Variants in BCL9 observed in about 807,000 individuals in gnomAD.
BCL9 encodes BCL9 transcription coactivator.
A neutral mutation model predicts 88.5 loss-of-function variants in BCL9; 25 were observed. That is an observed-to-expected ratio of 0.28 (90% CI 0.21 to 0.39). The LOEUF (loss-of-function observed/expected upper bound fraction) is 0.39. Ranked by LOEUF, BCL9 falls within the 10% of genes least tolerant of loss-of-function variation. The pLI, the probability that BCL9 is intolerant of heterozygous loss-of-function variation, is 1.00. For synonymous variants in BCL9, 711 were observed against 673.3 expected, an observed-to-expected ratio of 1.06 and a Z score of -0.87; for missense variants, 1,817 against 1,877.8, an observed-to-expected ratio of 0.97 and a Z score of 0.60.
At chr1:147,569,318 G>C (rs1327174550) in intron 1 of BCL9, among the ~76,000 whole-genome samples, 1 of 150,440 alleles carries the variant, frequency 6.6e-6, no homozygotes, top group Non-Finnish European at 1.5e-5. Flanking sequence ...AAGAGGAAGG[G>C]TCTGTCTCAT....
intron 4 of BCL9, among the ~76,000 whole-genome samples, chr1:147,612,131 C>T (rs960255580): frequency 1.8e-4 from 28 of 152,154 alleles, no homozygotes; most frequent in African/African-American, 6.3e-4. Flanking sequence ...CTCCCCGCAC[C>T]TCCCTGCCAA....
intron 1 of BCL9, among the ~76,000 whole-genome samples, chr1:147,545,754 A>C (rs12072533): frequency 0.095 from 14,521 of 152,196 alleles, 1,680 homozygotes; most frequent in African/African-American, 0.28. Flanking sequence ...TAAGATGTAC[A>C]ATGGAAATTT....
intron 1 of BCL9, among the ~76,000 whole-genome samples, chr1:147,569,158 T>A (rs2353542): frequency 0.47 from 70,287 of 150,958 alleles, 19,737 homozygotes; most frequent in African/African-American, 0.81. Flanking sequence ...TGGACAAAGG[T>A]GTCAAGTAGA....
At position 147,619,213 on chromosome 1, in the gene BCL9, A is replaced by G; in HGVS notation, c.1058A>G (p.Gln353Arg). Reference protein sequence around the residue: ...TLGENPDGLSQEQLEHRERSL... With the variant: ...TLGENPDGLSREQLEHRERSL... The stretch of plus-strand genomic sequence containing the variant: ...GGAGAGAATCCCGATGGCCTATCTC[A>G]GGAGCAGCTGGAGCACCGGGAGCGC... Residue 353 changes from glutamine (Q) to arginine (R), a missense_variant, in exon 8 of 10, where the codon CAG (glutamine) becomes CGG (arginine). Gln to Arg is a conservative substitution (Grantham distance 43). Coordinates refer to ENST00000234739, the MANE Select transcript of BCL9 (RefSeq NM_004326.4). The surrounding 1 kb of genome is among the most constrained non-coding windows in gnomAD (Gnocchi z 4.1). The G allele has an allele frequency of 6.2e-7, 1 of 1,614,144 alleles. No homozygotes were observed. Among genetic ancestry groups the G allele is most frequent in the Non-Finnish European group, 8.5e-7 (1 of 1,180,016 alleles).
In BCL9 at chr1:147,560,088, G is replaced by A. The variant is rs1355089217; in HGVS notation, c.-478+18414G>A. Among the ~76,000 whole-genome samples the A allele has an allele frequency of 3.3e-5, 5 of 152,194 alleles. No homozygotes were observed. In the South Asian group the frequency reaches 8.3e-4, roughly 25 times the overall value. On this transcript the variant is annotated intron_variant, in intron 1 of 9. Transcript: ENST00000234739. Reference sequence around the variant, plus strand: ...TAAAAGAACAGAACAGAAAAAGAATGTAAATGATGCAGGGAAACACTTGTG... The same window carrying A: ...TAAAAGAACAGAACAGAAAAAGAATATAAATGATGCAGGGAAACACTTGTG...
intron 1 of BCL9, among the ~76,000 whole-genome samples, chr1:147,584,779 C>T (rs1553198979): frequency 6.6e-6 from 1 of 152,208 alleles, no homozygotes; most frequent in African/African-American, 2.4e-5. Flanking sequence ...AGAAGTTTAG[C>T]TCCTAAAGTA....
chr1:147,560,995 G>A (rs992920898), intron 1 of BCL9, among the ~76,000 whole-genome samples: 2 of 152,162 alleles, frequency 1.3e-5, no homozygotes, highest in African/African-American at 4.8e-5. Flanking sequence ...CCAAGCAAAT[G>A]TTACGCCCAT....
intron 1 of BCL9, among the ~76,000 whole-genome samples, chr1:147,591,324 G>T (rs1264381621): frequency 6.6e-6 from 1 of 151,942 alleles, no homozygotes; most frequent in African/African-American, 2.4e-5. Context: ...ATTCCCCACT[G>T]ATCCCAACAC....
intron 1 of BCL9, among the ~76,000 whole-genome samples, chr1:147,545,186 A>G (rs781840859): frequency 1.3e-5 from 2 of 152,204 alleles, no homozygotes; most frequent in Non-Finnish European, 2.9e-5. Flanking sequence ...TTACACAGGG[A>G]TGTGCCCAGC....
rs1192403650 is a variant in BCL9 at position 147,611,801 on chromosome 1, G to C, written c.-36G>C. 1 of 1,607,418 alleles carries C rather than the reference G, an allele frequency of 6.2e-7. No individual in the cohort carries two copies. Among genetic ancestry groups the C allele is most frequent in the East Asian group, 2.2e-5 (1 of 44,846 alleles). The stretch of plus-strand genomic sequence containing the variant: ...AACCCGAGAGGAACTCGGTGAGCCT[G>C]TCCCGTTTGTGACTGCAAGCTCAGG... On this transcript the variant is annotated 5_prime_UTR_variant, in exon 4 of 10. Transcript: ENST00000234739.
At chr1:147,623,730 C>T in intron 9 of BCL9, 112 bp from the exon 10 acceptor site, 1 of 1,243,872 alleles carries the variant, frequency 8.0e-7, no homozygotes. Context: ...TATGTTTTCC[C>T]AGCATTATAC....
chr1:147,568,015 G>A (rs1000365030), intron 1 of BCL9, among the ~76,000 whole-genome samples: 5 of 152,180 alleles, frequency 3.3e-5, no homozygotes, highest in South Asian at 2.1e-4. Context: ...TCATACAGCT[G>A]CATCTCTCTG....
At position 147,621,033 on chromosome 1, in the gene BCL9, G is replaced by C. The variant is rs1553205306; in HGVS notation, c.2878G>C (p.Ala960Pro). 4 of 1,613,648 alleles carry C rather than the reference G, an allele frequency of 2.5e-6. No homozygotes were observed. Among genetic ancestry groups the C allele is most frequent in the Non-Finnish European group, 3.4e-6 (4 of 1,179,874 alleles). Residue 960 changes from alanine (A) to proline (P), a missense_variant, in exon 8 of 10, where the codon GCC (alanine) becomes CCC (proline). Physicochemically the swap from Ala to Pro is conservative, Grantham distance 27. Transcript: ENST00000234739. ...HKAPLTMASP[A>P]MLGNVESGGP... ...AGCACCCCTCACCATGGCCTCCCCA[G>C]CCATGCTGGGAAATGTAGAGTCAGG...
intron 1 of BCL9, among the ~76,000 whole-genome samples, chr1:147,550,541 A>C (rs782301350): frequency 2.0e-4 from 31 of 152,204 alleles, no homozygotes; most frequent in Non-Finnish European, 4.3e-4. Context: ...TCAAAAAGCA[A>C]GAATAGGTGA....
At chr1:147,551,523 T>G (rs1654904976) in intron 1 of BCL9, among the ~76,000 whole-genome samples, 1 of 152,230 alleles carries the variant, frequency 6.6e-6, no homozygotes, top group South Asian at 2.1e-4. Context: ...ATAACTTATG[T>G]TCAAATTTAA....
At chr1:147,589,515 T>C (rs1221404185) in intron 1 of BCL9, among the ~76,000 whole-genome samples, 1 of 152,218 alleles carries the variant, frequency 6.6e-6, no homozygotes, top group Non-Finnish European at 1.5e-5. Context: ...CCCCAACTAA[T>C]CTGCTTTCTG....
chr1:147,624,959 A>G lies in BCL9; in HGVS notation c.4281A>G (p.Ter1427=). 2.5e-6 allele frequency: 4 copies of G among 1,605,782 alleles called. No individual in the cohort carries two copies. Among genetic ancestry groups the G allele is most frequent in the Non-Finnish European group, 3.4e-6 (4 of 1,173,384 alleles). Residue 1427 remains the stop codon, a stop_retained_variant, in exon 10 of 10, where the codon TAA becomes TAG. Coordinates refer to ENST00000234739, the MANE Select transcript of BCL9 (RefSeq NM_004326.4). The surrounding 1 kb of genome is among the most constrained non-coding windows in gnomAD (Gnocchi z 4.4). ...GPGNPGNMMF[*] ...GCAACCCAGGAAACATGATGTTTTA[A>G]GCTGCTAAGATGGGATGTGCCGATC...
intron 1 of BCL9, among the ~76,000 whole-genome samples, chr1:147,599,175 C>G (rs1045300959): frequency 1.3e-5 from 2 of 152,196 alleles, no homozygotes; most frequent in African/African-American, 4.8e-5. Context: ...ACCCCTGCAC[C>G]CCCGGCGCAT....
chr1:147,623,156 A>C (rs1006085511), intron 9 of BCL9, among the ~76,000 whole-genome samples: 3 of 152,020 alleles, frequency 2.0e-5, no homozygotes, highest in Non-Finnish European at 2.9e-5. Flanking sequence ...TTCCAGTTCT[A>C]TTCTGATTGT....
Sources: gnomAD v4.1 joint callset for allele counts (sites outside exome capture counted in the v4.1 genomes callset) on GRCh38, gnomAD v4.1.1 for gene constraint, Gnocchi (gnomAD v3.1) non-coding constraint, MANE v1.5 for transcripts, NCBI Gene and HGNC (gene_info 2026-07-23, HGNC 2026-07-21) for gene names.